The following HELLS variants were observed in gnomAD, a reference collection of about 807,000 sequenced individuals.
HELLS encodes the protein helicase, lymphoid specific.
Under a neutral mutation model 120.0 loss-of-function variants are expected in HELLS, and 32 were observed. The ratio of observed to expected loss-of-function variants is 0.27; its 90% confidence interval spans 0.20 to 0.36. The LOEUF is 0.36. Ranked by LOEUF, HELLS falls within the 10% of genes least tolerant of loss-of-function variation. The pLI, the probability that HELLS is intolerant of heterozygous loss-of-function variation, is 1.00. For synonymous variants in HELLS, 341 were observed against 323.4 expected, an observed-to-expected ratio of 1.05 and a Z score of -0.58; for missense variants, 650 against 993.4, an observed-to-expected ratio of 0.65 and a Z score of 4.65.
At chr10:94,586,083 T>A (rs1845128555) in intron 12 of HELLS, among the ~76,000 whole-genome samples, 2 of 152,146 alleles carry the variant, frequency 1.3e-5, no homozygotes, top group African/African-American at 4.8e-5. Flanking sequence ...TTTCATGTTT[T>A]CCTTACAGAC....
chr10:94,576,398 T>A (rs1358263787), intron 9 of HELLS, among the ~76,000 whole-genome samples: 1 of 152,184 alleles, frequency 6.6e-6, no homozygotes, highest in African/African-American at 2.4e-5. Flanking sequence ...GAGATCGGCT[T>A]GCCTTGGCTT....
downstream of HELLS, among the ~76,000 whole-genome samples, chr10:94,606,185 T>C (rs1040092556): frequency 6.6e-6 from 1 of 151,884 alleles, no homozygotes; most frequent in Non-Finnish European, 1.5e-5. Context: ...ACTACACTCA[T>C]GTGACACCAT....
chr10:94,565,134 C>T (rs537656567), intron 6 of HELLS, among the ~76,000 whole-genome samples: 172 of 152,242 alleles, frequency 1.1e-3, no homozygotes, highest in African/African-American at 3.7e-3. Context: ...GCCAGGAGTT[C>T]GAAACCTGTC....
chr10:94,583,020 T>G lies in HELLS; in HGVS notation c.1287T>G (p.Ala429=). 2 of 1,606,928 alleles carry G rather than the reference T, an allele frequency of 1.2e-6. No individual in the cohort carries two copies. The highest frequency in any genetic ancestry group is 1.7e-6 in the Non-Finnish European group (2 of 1,176,272). ...SLSETAEDII[A]KEREQNVLHM... is the part of the protein sequence containing the mutation. Reference sequence around the variant, plus strand: ...CTGAAACTGCTGAAGATATTATTGCTAAAGAAAGAGAACAGAATGTATTGC... The same window carrying G: ...CTGAAACTGCTGAAGATATTATTGCGAAAGAAAGAGAACAGAATGTATTGC... The change falls in exon 12 of 22, where the codon GCT becomes GCG. Residue 429 remains alanine (A), a synonymous_variant. Transcript: ENST00000348459.
At chr10:94,551,520 T>C (rs1221497997) in intron 2 of HELLS, among the ~76,000 whole-genome samples, 3 of 151,944 alleles carry the variant, frequency 2.0e-5, no homozygotes. Context: ...TGAGCCAGGA[T>C]TGTGCCACTG....
intron 9 of HELLS, chr10:94,609,761 G>A (rs931185266): frequency 2.0e-5 from 3 of 152,152 alleles, no homozygotes; most frequent in Non-Finnish European, 4.4e-5. Context: ...GGCACATTTG[G>A]GAGCATGGCG....
In HELLS at chr10:94,593,395, C is replaced by G. The variant is rs140748775; in HGVS notation, c.1972-104C>G. On this transcript the variant is annotated intron_variant, in intron 17 of 21. Transcript: ENST00000348459. ...AGATCTGAATGATTTGTTTGGCCTC[C>G]TTTGTTTAAGTCTTTAATAGTTGTA... is the stretch of plus-strand genomic sequence containing the variant. The G allele has an allele frequency of 9.7e-5, 66 of 682,412 alleles. No homozygotes were observed. In the East Asian group the frequency reaches 1.6e-3, roughly 16 times the overall value. 42.3% of individuals were successfully genotyped at this position (682,412 alleles called of 1,614,324 possible). A position where few individuals can be genotyped will look rare whatever the true frequency, so the allele number is the denominator to read the frequency against.
chr10:94,568,159 T>G (rs1843931493), intron 6 of HELLS, among the ~76,000 whole-genome samples: 2 of 151,582 alleles, frequency 1.3e-5, no homozygotes, highest in Admixed American at 1.3e-4. Flanking sequence ...CCATCTGCCT[T>G]GGCCTCCCAA....
At chr10:94,567,117 T>C (rs1423485780) in intron 6 of HELLS, among the ~76,000 whole-genome samples, 1 of 152,196 alleles carries the variant, frequency 6.6e-6, no homozygotes, top group Admixed American at 6.5e-5. Flanking sequence ...TGGAGGGGTA[T>C]AACCCAATTG....
At chr10:94,600,910 C>A (rs1846004131) in intron 21 of HELLS, among the ~76,000 whole-genome samples, 1 of 151,886 alleles carries the variant, frequency 6.6e-6, no homozygotes, top group Admixed American at 6.6e-5. Flanking sequence ...CAACATATAA[C>A]AGGAAGTGTT....
intron 2 of HELLS, among the ~76,000 whole-genome samples, chr10:94,551,830 TC>T (rs1190333401): frequency 6.6e-6 from 1 of 151,594 alleles, no homozygotes; most frequent in Non-Finnish European, 1.5e-5. Flanking sequence ...AGCTCTGCCT[TC>T]CGGGTTCACG....
At chr10:94,563,136 T>C (rs1463608038) in intron 6 of HELLS, among the ~76,000 whole-genome samples, 1 of 151,462 alleles carries the variant, frequency 6.6e-6, no homozygotes, top group Non-Finnish European at 1.5e-5. Flanking sequence ...AGCTCTGTGG[T>C]CCATGCTGCC....
chr10:94,605,703 C>T (rs564642349), downstream of HELLS, among the ~76,000 whole-genome samples: 1 of 146,874 alleles, frequency 6.8e-6, no homozygotes, highest in East Asian at 2.0e-4. Flanking sequence ...ATGAATACAG[C>T]TCACTGCAGC....
In HELLS at chr10:94,560,128, G is replaced by A. The variant is rs374831557; in HGVS notation, c.333+1933G>A. On this transcript the variant is annotated intron_variant, in intron 4 of 21. Coordinates refer to ENST00000348459, the MANE Select transcript of HELLS (RefSeq NM_018063.5). Reference sequence around the variant, plus strand: ...GCTCACTGCAACCTCTGTCTCCTGGGTTGAAGCAATTCTCTGCCTCAGCCT... The same window carrying A: ...GCTCACTGCAACCTCTGTCTCCTGGATTGAAGCAATTCTCTGCCTCAGCCT... 3.4e-4 allele frequency among the ~76,000 whole-genome samples: 52 copies of A among 152,032 alleles called. No individual in the cohort carries two copies. The East Asian group carries it at 9.6e-3, about 28-fold the overall frequency.
intron 21 of HELLS, among the ~76,000 whole-genome samples, chr10:94,599,545 CAG>C (rs769771732): frequency 1.3e-5 from 2 of 152,014 alleles, no homozygotes; most frequent in African/African-American, 2.4e-5. Flanking sequence ...TTTGTAGAGA[CAG>C]GGGTTTGCCA....
intron 7 of HELLS, among the ~76,000 whole-genome samples, chr10:94,572,725 G>A (rs1382266196): frequency 1.3e-5 from 2 of 152,138 alleles, no homozygotes; most frequent in African/African-American, 4.8e-5. Context: ...CGTGGCAAAT[G>A]TGTGTTCATA....
intron 3 of HELLS, among the ~76,000 whole-genome samples, chr10:94,555,880 G>C (rs913913558): frequency 6.6e-6 from 1 of 152,144 alleles, no homozygotes. Context: ...GCTTACCCTG[G>C]CCTCCCAAAG....
At position 94,596,858 on chromosome 10, in the gene HELLS, A is replaced by T. The variant is rs1399665235; in HGVS notation, c.2249-2A>T. On this transcript the variant is annotated splice_acceptor_variant, in intron 19 of 21. Coordinates refer to ENST00000348459, the MANE Select transcript of HELLS (RefSeq NM_018063.5). LOFTEE classifies it high-confidence loss of function. ...ATGTTTTTAATTTCTCATTTTTTTTAGATCATTTCAAAGGTGGTCAGTCTG... is the reference window on the plus strand; with the variant it reads ...ATGTTTTTAATTTCTCATTTTTTTTTGATCATTTCAAAGGTGGTCAGTCTG... The T allele has an allele frequency of 1.5e-6, 2 of 1,374,502 alleles. No individual in the cohort carries two copies. Among genetic ancestry groups the T allele is most frequent in the South Asian group, 1.2e-5 (1 of 81,438 alleles). The allele number at this position is 1,374,502 out of a possible 1,614,324, so 85.1% of individuals were successfully genotyped here.
intron 18 of HELLS, among the ~76,000 whole-genome samples, chr10:94,594,281 T>G (rs2134118625): frequency 6.6e-6 from 1 of 152,062 alleles, no homozygotes; most frequent in African/African-American, 2.4e-5. Context: ...CCTTGACCTT[T>G]TGGATTCAAG....
Sources: gnomAD v4.1 joint callset for allele counts (sites outside exome capture counted in the v4.1 genomes callset) on GRCh38, gnomAD v4.1.1 for gene constraint, MANE v1.5 for transcripts, NCBI Gene and HGNC (gene_info 2026-07-23, HGNC 2026-07-21) for gene names.